Variants in PAXBP1 observed in about 807,000 individuals in gnomAD.
PAXBP1 encodes the protein PAX3 and PAX7 binding protein 1.
A neutral mutation model predicts 119.9 loss-of-function variants in PAXBP1; 44 were observed. That is an observed-to-expected ratio of 0.37 (90% confidence interval 0.29 to 0.47). The LOEUF is 0.47. Among genes scored for constraint, PAXBP1 ranks in the 20% least tolerant of loss-of-function variants. The pLI is 0.99. For synonymous variants in PAXBP1, 393 were observed against 406.6 expected (o/e 0.97, Z 0.40); for missense variants, 898 against 1,134.1 (o/e 0.79, Z 2.99).
At position 32,745,555 on chromosome 21, in the gene PAXBP1, C is replaced by G. The variant is rs2043859058; in HGVS notation, c.2068+19G>C. 1 of 1,613,412 alleles carries G rather than the reference C, an allele frequency of 6.2e-7. No individual in the cohort carries two copies. Among genetic ancestry groups the G allele is most frequent in the Non-Finnish European group, 8.5e-7 (1 of 1,179,514 alleles). ...AGCCAGTGTGTCTGAATGCTCAATTCAGAGAACAGGAGATTTACCTGTTAG... is the reference window on the plus strand; with the variant it reads ...AGCCAGTGTGTCTGAATGCTCAATTGAGAGAACAGGAGATTTACCTGTTAG... On this transcript the variant is annotated intron_variant, in intron 12 of 17. Transcript: ENST00000331923.
At chr21:32,748,888 A>G (rs940414361) in intron 10 of PAXBP1, among the ~76,000 whole-genome samples, 190 bp from the exon 11 acceptor site, 1 of 152,228 alleles carries the variant, frequency 6.6e-6, no homozygotes, top group African/African-American at 2.4e-5. Context: ...TATGTAAACT[A>G]AAGTGCAGCC....
Position 32,738,312 on chromosome 21 carries a change from C to T in PAXBP1, c.2342G>A (p.Gly781Asp). ...RQFWSSVKLLGNFLQWYGIFS... is the reference protein window; with the variant it reads ...RQFWSSVKLLDNFLQWYGIFS... ...AATGCCATACCACTGAAGAAAATTG[C>T]CTAACAGCTGGAAAGAAGAAAAAAA... is the stretch of plus-strand genomic sequence containing the variant. Residue 781 changes from glycine (G) to aspartate (D), a missense_variant, in exon 16 of 18, where the codon GGC becomes GAC. Physicochemically the swap from Gly to Asp is moderately conservative, Grantham distance 94. Coordinates refer to ENST00000331923, the MANE Select transcript of PAXBP1 (RefSeq NM_016631.4). The T allele has an allele frequency of 1.3e-6, 2 of 1,580,350 alleles. No homozygotes were observed. The highest frequency in any genetic ancestry group is 1.2e-5 in the South Asian group (1 of 83,548).
intron 7 of PAXBP1, among the ~76,000 whole-genome samples, chr21:32,757,165 G>A (rs1490830469): frequency 6.6e-6 from 1 of 151,848 alleles, no homozygotes; most frequent in Admixed American, 6.6e-5. Flanking sequence ...AAAAAAAAAG[G>A]GATCTTTATC....
chr21:32,771,215 G>A (rs2044337014), intron 1 of PAXBP1, 111 bp downstream of exon 1: 1 of 1,035,150 alleles, frequency 9.7e-7, no homozygotes, highest in Non-Finnish European at 1.3e-6. Context: ...GGACGGCAGG[G>A]GACTCCGTTC....
At chr21:32,736,833 G>A (rs1015814711) in intron 17 of PAXBP1, among the ~76,000 whole-genome samples, 1 of 152,068 alleles carries the variant, frequency 6.6e-6, no homozygotes, top group Non-Finnish European at 1.5e-5. Flanking sequence ...ATAAAAATTA[G>A]AAATAAGTTG....
chr21:32,765,927 G>A (rs1462235500), intron 2 of PAXBP1, among the ~76,000 whole-genome samples: 1 of 152,162 alleles, frequency 6.6e-6, no homozygotes, highest in Non-Finnish European at 1.5e-5. Context: ...CTGAGATCAG[G>A]AGTTCAAGAC....
At chr21:32,751,282 A>C (rs2043955248) in intron 8 of PAXBP1, 64 bp from the exon 9 acceptor site, 1 of 1,487,054 alleles carries the variant, frequency 6.7e-7, no homozygotes, top group Non-Finnish European at 9.3e-7. Flanking sequence ...AAGAGTTTGC[A>C]CAGAATAAGC....
chr21:32,740,815 T>C (rs943567808), intron 15 of PAXBP1, among the ~76,000 whole-genome samples: 2 of 151,034 alleles, frequency 1.3e-5, no homozygotes, highest in African/African-American at 4.9e-5. Flanking sequence ...AGCCACAAAC[T>C]GAAAAAAAAA....
At chr21:32,770,594 T>C (rs2044322259) in intron 1 of PAXBP1, among the ~76,000 whole-genome samples, 1 of 152,196 alleles carries the variant, frequency 6.6e-6, no homozygotes, top group South Asian at 2.1e-4. Context: ...TGGAATTAAC[T>C]GGGTTATGCA....
chr21:32,754,031 T>C (rs1355669249), intron 8 of PAXBP1, among the ~76,000 whole-genome samples: 2 of 152,088 alleles, frequency 1.3e-5, no homozygotes, highest in East Asian at 3.9e-4. Context: ...ATAATCCAAT[T>C]TAAAATTCAG....
intron 17 of PAXBP1, 32 bp from the exon 18 acceptor site, chr21:32,735,099 AATTAGT>A (rs1569151929): frequency 6.8e-7 from 1 of 1,469,656 alleles, no homozygotes; most frequent in Non-Finnish European, 9.5e-7. Context: ...GCATCTCATT[AATTAGT>A]ATATCTAAGA....
chr21:32,762,634 A>C (rs1196914390), intron 3 of PAXBP1, among the ~76,000 whole-genome samples: 1 of 152,068 alleles, frequency 6.6e-6, no homozygotes, highest in East Asian at 1.9e-4. Context: ...AACAAATAGA[A>C]GTGGCCGGGC....
At chr21:32,753,425 C>CAAAAAAAAA (rs757858309) in intron 8 of PAXBP1, among the ~76,000 whole-genome samples, 1 of 90,998 alleles carries the variant, frequency 1.1e-5, no homozygotes, top group Non-Finnish European at 2.3e-5. Context: ...GACTCCGTCT[C>CAAAAAAAAA]AAAAAAAAAA....
chr21:32,760,248 T>C (rs1188962598), intron 5 of PAXBP1, among the ~76,000 whole-genome samples: 2 of 152,158 alleles, frequency 1.3e-5, no homozygotes, highest in African/African-American at 4.8e-5. Context: ...TCAAAAATCA[T>C]TTAAGGCCAC....
intron 10 of PAXBP1, among the ~76,000 whole-genome samples, chr21:32,750,198 A>G (rs191409330): frequency 6.6e-6 from 1 of 152,350 alleles, no homozygotes; most frequent in African/African-American, 2.4e-5. Context: ...TGGGGAGTGA[A>G]GAGCCATGAG....
At chr21:32,744,523 A>G (rs2043842668) in intron 13 of PAXBP1, among the ~76,000 whole-genome samples, 1 of 152,148 alleles carries the variant, frequency 6.6e-6, no homozygotes, top group Admixed American at 6.5e-5. Context: ...AATCATAATG[A>G]AAGGCTATTT....
intron 1 of PAXBP1, 77 bp from the exon 2 acceptor site, chr21:32,770,019 T>C: frequency 8.8e-7 from 1 of 1,132,026 alleles, no homozygotes; most frequent in Non-Finnish European, 1.2e-6. Context: ...TGATCTTACG[T>C]GCTGTCCAAA....
At chr21:32,747,467 C>A (rs77678644) in intron 11 of PAXBP1, among the ~76,000 whole-genome samples, 267 of 152,288 alleles carry the variant, frequency 1.8e-3, no homozygotes, top group African/African-American at 6.2e-3. Flanking sequence ...AGTCTTGGGC[C>A]TTTGCTATCT....
chr21:32,759,014 C>A, intron 7 of PAXBP1, 66 bp downstream of exon 7: 1 of 1,470,212 alleles, frequency 6.8e-7, no homozygotes, highest in Non-Finnish European at 9.4e-7. Context: ...GAATGTTCTA[C>A]ACAAGGCCAT....
Sources: gnomAD v4.1 joint callset for allele counts (sites outside exome capture counted in the v4.1 genomes callset) on GRCh38, gnomAD v4.1.1 for gene constraint, MANE v1.5 for transcripts, NCBI Gene and HGNC (gene_info 2026-07-23, HGNC 2026-07-21) for gene names.